COCH: variants seen among roughly 807,000 people sequenced by gnomAD.
COCH encodes the protein coagulation factor C homolog, cochlin (Limulus polyphemus).
Under a neutral mutation model 54.8 loss-of-function variants are expected in COCH, and 40 were observed. That is an observed-to-expected ratio of 0.73 (90% CI 0.57 to 0.95). COCH has a LOEUF of 0.95. COCH is among the 40% of genes least tolerant of loss of function. The probability of loss-of-function intolerance (pLI) is 0.00; values close to 1 mark genes in which losing one functional copy is unlikely to be tolerated. For synonymous variants in COCH, 256 were observed against 237.9 expected, an observed-to-expected ratio of 1.08 and a Z score of -0.70; for missense variants, 605 against 675.0, an observed-to-expected ratio of 0.90 and a Z score of 1.15.
chr14:30,875,368 C>CT, intron 3 of COCH: 1 of 607,072 alleles, frequency 1.6e-6, no homozygotes, highest in Non-Finnish European at 2.9e-6. Flanking sequence ...TCCTCCAGGC[C>CT]CACCCACAGC....
chr14:30,881,899 G>A (rs1463058639), intron 8 of COCH, among the ~76,000 whole-genome samples: 2 of 151,858 alleles, frequency 1.3e-5, no homozygotes, highest in Non-Finnish European at 2.9e-5. Context: ...AGGAGGTGGA[G>A]CTTGCAGTGA....
At chr14:30,879,569 C>T in intron 6 of COCH, 84 bp downstream of exon 6, 1 of 1,409,864 alleles carries the variant, frequency 7.1e-7, no homozygotes, top group Non-Finnish European at 1.0e-6. Flanking sequence ...AGAAGCTTTT[C>T]TTAAAGAAAT....
intron 6 of COCH, among the ~76,000 whole-genome samples, chr14:30,879,867 T>C (rs758253994): frequency 6.6e-6 from 1 of 152,150 alleles, no homozygotes; most frequent in Non-Finnish European, 1.5e-5. Flanking sequence ...CTAGCTATGA[T>C]GCCCAGGCTG....
intron 11 of COCH, among the ~76,000 whole-genome samples, chr14:30,887,645 GT>G (rs1210259652): frequency 2.0e-5 from 3 of 151,786 alleles, no homozygotes; most frequent in Admixed American, 6.6e-5. Context: ...CAATGGACTT[GT>G]TTTTTTTAAC....
intron 11 of COCH, among the ~76,000 whole-genome samples, chr14:30,886,568 T>C (rs1410163024): frequency 6.6e-6 from 1 of 152,164 alleles, no homozygotes; most frequent in Non-Finnish European, 1.5e-5. Flanking sequence ...TCCTAACCAC[T>C]GTATTGTTGG....
intron 11 of COCH, among the ~76,000 whole-genome samples, chr14:30,888,269 A>T (rs1895859761): frequency 6.6e-6 from 1 of 151,672 alleles, no homozygotes; most frequent in East Asian, 1.9e-4. Flanking sequence ...CCAGGGAGTG[A>T]GAGTCAGGAA....
At chr14:30,884,500 C>A in intron 8 of COCH, 53 bp from the exon 9 acceptor site, 1 of 1,273,314 alleles carries the variant, frequency 7.9e-7, no homozygotes, top group South Asian at 1.2e-5. Context: ...TGTAATGTTG[C>A]TTATTTTACC....
At chr14:30,895,069 AAAAAAAAAAAGAAG>A (rs1896099773), downstream of COCH, 1 of 217,238 alleles carries the variant, frequency 4.6e-6, no homozygotes, top group Non-Finnish European at 8.2e-6. Flanking sequence ...AAAAAAAAAA[AAAAAAAAAAAGAAG>A]AAGAAGAAGA....
intron 9 of COCH, 176 bp downstream of exon 9, chr14:30,884,832 T>C (rs1460331027): frequency 3.5e-6 from 5 of 1,426,850 alleles, no homozygotes; most frequent in Non-Finnish European, 4.7e-6. Context: ...AATGGAAGTA[T>C]ACCAAAGTGT....
chr14:30,893,985 A>G (rs1007405460), downstream of COCH: 2 of 152,640 alleles, frequency 1.3e-5, no homozygotes, highest in East Asian at 1.9e-4. Flanking sequence ...TTGCTGATTC[A>G]TAGTTTGTAA....
chr14:30,889,790 A>G lies in COCH; in HGVS notation c.1652A>G (p.Ter551=). The G allele has an allele frequency of 6.2e-7, 1 of 1,608,878 alleles. No homozygotes were observed. Among genetic ancestry groups the G allele is most frequent in the Non-Finnish European group, 8.5e-7 (1 of 1,175,790 alleles). Residue 551 remains the stop codon, a stop_retained_variant, in exon 12 of 12, where the codon TAA becomes TGA. Transcript: ENST00000396618. The part of the protein sequence containing the change: ...ICRDFLESQQ[*] The stretch of plus-strand genomic sequence containing the variant: ...AGAGATTTCTTAGAATCCCAGCAAT[A>G]ATGGTAACATTTTGACAACTGAAAG...
intron 4 of COCH, among the ~76,000 whole-genome samples, chr14:30,878,537 A>G (rs549903925): frequency 4.4e-4 from 67 of 152,232 alleles, no homozygotes; most frequent in South Asian, 2.7e-3. Flanking sequence ...CATGCCTGTA[A>G]TCCCAGCTAC....
chr14:30,874,904 CCT>C lies in COCH; in HGVS notation c.-23-6_-23-5del. On this transcript the variant is annotated splice_polypyrimidine_tract_variant and intron_variant, in intron 1 of 11. Coordinates refer to ENST00000396618, the MANE Select transcript of COCH (RefSeq NM_004086.3). ...GCACCCTGGCCTTGCCCGCATTCTC[CCT>C]CTCTCCCAGGTGTGAGCAGCCTATC... The C allele has an allele frequency of 6.2e-7, 1 of 1,613,044 alleles. No individual in the cohort carries two copies. Among genetic ancestry groups the C allele is most frequent in the Non-Finnish European group, 8.5e-7 (1 of 1,179,512 alleles).
downstream of COCH, among the ~76,000 whole-genome samples, chr14:30,892,954 T>C (rs531688030): frequency 4.6e-5 from 7 of 152,288 alleles, no homozygotes; most frequent in South Asian, 2.1e-4. Flanking sequence ...AGCATTCAAA[T>C]TGAATTTCAC....
rs773922971 is a variant in COCH, at chr14:30,884,536, TTC to T, written c.630-15_630-14del. The T allele has an allele frequency of 2.0e-6, 3 of 1,531,438 alleles. No homozygotes were observed. The highest frequency in any genetic ancestry group is 3.3e-5 in the Admixed American group (2 of 59,884). The allele number at this position is 1,531,438 out of a possible 1,614,324, so 94.9% of individuals were successfully genotyped here. On this transcript the variant is annotated splice_polypyrimidine_tract_variant and intron_variant, in intron 8 of 11. Transcript: ENST00000396618. ...TTTTTAATTCTCCCTGAATAACATT[TTC>T]TTTCTTCCACTCAGTGAACATCCCA...
intron 5 of COCH, among the ~76,000 whole-genome samples, 193 bp from the exon 6 acceptor site, chr14:30,879,230 C>A (rs1189810804): frequency 6.6e-6 from 1 of 152,220 alleles, no homozygotes; most frequent in Non-Finnish European, 1.5e-5. Context: ...CTACTAAATA[C>A]ATTTTTGATG....
chr14:30,892,104 C>A (rs1895995940), downstream of COCH, among the ~76,000 whole-genome samples: 1 of 151,690 alleles, frequency 6.6e-6, no homozygotes, highest in Non-Finnish European at 1.5e-5. Context: ...GTATAAAGTA[C>A]TATTTAATAG....
intron 9 of COCH, 122 bp from the exon 10 acceptor site, chr14:30,885,272 C>T: frequency 2.0e-6 from 2 of 986,884 alleles, no homozygotes. Context: ...TTTTGTGTGC[C>T]CCGCCCCACT....
intron 8 of COCH, among the ~76,000 whole-genome samples, chr14:30,882,886 C>T (rs1895664605): frequency 6.6e-6 from 1 of 152,178 alleles, no homozygotes; most frequent in African/African-American, 2.4e-5. Flanking sequence ...AAGACCCCAT[C>T]TCTAAAAAAA....
Sources: gnomAD v4.1 joint callset for allele counts (sites outside exome capture counted in the v4.1 genomes callset) on GRCh38, gnomAD v4.1.1 for gene constraint, MANE v1.5 for transcripts, NCBI Gene and HGNC (gene_info 2026-07-23, HGNC 2026-07-21) for gene names.